Variants in METTL25 observed in about 807,000 individuals in gnomAD.
The protein encoded by METTL25 is methyltransferase like 25, also known as probable methyltransferase-like protein 25.
Under a neutral mutation model 71.6 loss-of-function variants are expected in METTL25, and 64 were observed. The observed-to-expected ratio is 0.89, with a 90% CI of 0.73 to 1.10. METTL25 has a LOEUF of 1.10. METTL25 is among the 50% of genes least tolerant of loss of function. The pLI is 0.00. For synonymous variants in METTL25, 287 were observed against 250.3 expected (o/e 1.15, Z -1.38); for missense variants, 807 against 707.0 (o/e 1.14, Z -1.60).
intron 1 of METTL25, among the ~76,000 whole-genome samples, chr12:82,382,122 G>A (rs1009353075): frequency 3.3e-5 from 5 of 152,186 alleles, no homozygotes; most frequent in Non-Finnish European, 7.3e-5. Flanking sequence ...GAAAGGTTTT[G>A]GGAGCATGAA....
intron 1 of METTL25, 54 bp downstream of exon 1, chr12:82,358,878 A>C (rs371315160): frequency 1.9e-6 from 3 of 1,542,830 alleles, no homozygotes; most frequent in Non-Finnish European, 8.8e-7. Flanking sequence ...AGGTCCCGGC[A>C]GACGAAGCGA....
intron 5 of METTL25, among the ~76,000 whole-genome samples, chr12:82,421,406 A>C (rs947470580): frequency 3.3e-5 from 5 of 152,184 alleles, no homozygotes; most frequent in African/African-American, 1.2e-4. Context: ...GACTTGTGTA[A>C]ATTAATAAAT....
chr12:82,440,180 A>T (rs1890213909), intron 8 of METTL25, among the ~76,000 whole-genome samples: 2 of 151,864 alleles, frequency 1.3e-5, no homozygotes, highest in Non-Finnish European at 2.9e-5. Flanking sequence ...TCTATCCCCT[A>T]GTTATATCTA....
At chr12:82,423,068 A>G (rs7132942) in intron 5 of METTL25, among the ~76,000 whole-genome samples, 140,140 of 152,146 alleles carry the variant, frequency 0.92, 64,897 homozygotes, top group East Asian at 1. Flanking sequence ...AACCAAAAAA[A>G]AGCCCTCATT....
chr12:82,470,334 A>T (rs1180174910), intron 9 of METTL25, among the ~76,000 whole-genome samples: 1 of 152,154 alleles, frequency 6.6e-6, no homozygotes, highest in Non-Finnish European at 1.5e-5. Context: ...TTGTTTTCTC[A>T]TGGCTCTGGA....
At chr12:82,365,966 C>T (rs543983109) in intron 1 of METTL25, among the ~76,000 whole-genome samples, 21 of 152,174 alleles carry the variant, frequency 1.4e-4, no homozygotes, top group African/African-American at 4.3e-4. Context: ...CCTGTAGTCC[C>T]AGCTACTCGG....
At chr12:82,442,277 A>T (rs1592731144) in intron 8 of METTL25, among the ~76,000 whole-genome samples, 1 of 152,182 alleles carries the variant, frequency 6.6e-6, no homozygotes, top group South Asian at 2.1e-4. Flanking sequence ...AAAAACTTGT[A>T]CAGAAATGTT....
At chr12:82,376,667 C>T (rs1565807527) in intron 1 of METTL25, among the ~76,000 whole-genome samples, 1 of 152,140 alleles carries the variant, frequency 6.6e-6, no homozygotes, top group Non-Finnish European at 1.5e-5. Context: ...TTGTCTGGAA[C>T]ACTTTCATTT....
chr12:82,375,417 A>G (rs908874053), intron 1 of METTL25, among the ~76,000 whole-genome samples: 1 of 148,898 alleles, frequency 6.7e-6, no homozygotes, highest in Non-Finnish European at 1.5e-5. Flanking sequence ...TTGTTCTTGG[A>G]CTTCCCAGCC....
Position 82,473,157 on chromosome 12 carries a change from G to A in METTL25, c.1573-3487G>A, listed in dbSNP as rs189121595. ...TTGTGGATAGTGGTGGGGCAGCTTTGCTAGGCATGGCCTCACTGTGCTGTT... is the reference window on the plus strand; with the variant it reads ...TTGTGGATAGTGGTGGGGCAGCTTTACTAGGCATGGCCTCACTGTGCTGTT... On this transcript the variant is annotated intron_variant, in intron 9 of 11. Coordinates refer to ENST00000248306, the MANE Select transcript of METTL25 (RefSeq NM_032230.3). Among the ~76,000 whole-genome samples the A allele has an allele frequency of 1.0e-3, 154 of 152,238 alleles. 3 individuals are homozygous for A. The highest frequency in any genetic ancestry group is 7.4e-5 in the Non-Finnish European group (5 of 68,018).
At chr12:82,382,963 G>A (rs1884589079) in intron 1 of METTL25, among the ~76,000 whole-genome samples, 1 of 152,136 alleles carries the variant, frequency 6.6e-6, no homozygotes, top group Non-Finnish European at 1.5e-5. Context: ...TCATGTCTCA[G>A]CCTTCCAAAG....
intron 5 of METTL25, among the ~76,000 whole-genome samples, chr12:82,406,374 G>C (rs1887092140): frequency 6.6e-6 from 1 of 151,510 alleles, no homozygotes; most frequent in Admixed American, 6.6e-5. Flanking sequence ...TATCTTTCTA[G>C]AAAAAAAGTA....
At chr12:82,442,710 T>G (rs1890439067) in intron 8 of METTL25, among the ~76,000 whole-genome samples, 1 of 152,156 alleles carries the variant, frequency 6.6e-6, no homozygotes, top group Non-Finnish European at 1.5e-5. Context: ...ATTGTGGAAA[T>G]TCAGATGAAG....
chr12:82,439,724 T>C (rs1890182030), intron 8 of METTL25: 1 of 211,198 alleles, frequency 4.7e-6, no homozygotes. Context: ...GAATTTTTCA[T>C]GTGCTCCTGA....
In METTL25 at chr12:82,372,323, G is replaced by A. The variant is rs150426102; in HGVS notation, c.259+13499G>A. On this transcript the variant is annotated intron_variant, in intron 1 of 11. Transcript: ENST00000248306. Reference sequence around the variant, plus strand: ...CATAACGAATAGCCTGGGGATTTTTGTGGTCCTTTGGAGAGTTCTTTGCTT... The same window carrying A: ...CATAACGAATAGCCTGGGGATTTTTATGGTCCTTTGGAGAGTTCTTTGCTT... 2.5e-3 allele frequency among the ~76,000 whole-genome samples: 385 copies of A among 152,180 alleles called. 2 individuals carry two copies. Among genetic ancestry groups the A allele is most frequent in the African/African-American group, 8.8e-3 (364 of 41,510 alleles).
At chr12:82,365,865 G>A (rs1336297958) in intron 1 of METTL25, among the ~76,000 whole-genome samples, 1 of 152,054 alleles carries the variant, frequency 6.6e-6, no homozygotes, top group African/African-American at 2.4e-5. Flanking sequence ...GGGGGATCAC[G>A]AGGTCAGGAG....
At chr12:82,442,962 A>G (rs1286462049) in intron 8 of METTL25, among the ~76,000 whole-genome samples, 1 of 151,948 alleles carries the variant, frequency 6.6e-6, no homozygotes, top group Non-Finnish European at 1.5e-5. Flanking sequence ...GAAATAATTA[A>G]TGAACTGAAA....
chr12:82,444,465 A>T (rs1370642315), intron 8 of METTL25, among the ~76,000 whole-genome samples: 2 of 152,220 alleles, frequency 1.3e-5, no homozygotes, highest in Non-Finnish European at 2.9e-5. Context: ...TGAAGGTATA[A>T]AACTCATTGG....
intron 1 of METTL25, among the ~76,000 whole-genome samples, chr12:82,371,639 C>T (rs1248932053): frequency 2.6e-5 from 4 of 152,102 alleles, no homozygotes; most frequent in East Asian, 1.9e-4. Context: ...GGTTTAATAA[C>T]GCCTCCAGAT....
Sources: gnomAD v4.1 joint callset for allele counts (sites outside exome capture counted in the v4.1 genomes callset) on GRCh38, gnomAD v4.1.1 for gene constraint, MANE v1.5 for transcripts, NCBI Gene and HGNC (gene_info 2026-07-23, HGNC 2026-07-21) for gene names.